Variants in THSD7B observed in about 807,000 individuals in gnomAD.
THSD7B encodes thrombospondin type-1 domain-containing protein 7B.
Under a neutral mutation model 213.6 loss-of-function variants are expected in THSD7B, and 138 were observed. That is an observed-to-expected ratio of 0.65 (90% CI 0.56 to 0.74). The LOEUF (loss-of-function observed/expected upper bound fraction) is 0.74. THSD7B is among the 30% of genes least tolerant of loss of function. THSD7B has a pLI of 0.00. For missense variants in THSD7B, 1,931 were observed against 1,991.5 expected, an observed-to-expected ratio of 0.97 and a Z score of 0.58; for synonymous variants, 742 against 687.0, an observed-to-expected ratio of 1.08 and a Z score of -1.25.
In THSD7B at chr2:137,642,550, A is replaced by G. The variant is rs761167307; in HGVS notation, c.3862A>G (p.Thr1288Ala). ...CCAAGGAGAAGGACGGCCATGCCCC[A>G]CAGAGCTTACCCAGGAGAAAACCTG... is the stretch of plus-strand genomic sequence containing the variant. ...PTQGEGRPCP[T>A]ELTQEKTCPV... The change falls in exon 21 of 28, where the codon ACA becomes GCA. Residue 1288 changes from threonine to alanine, a missense_variant. By Grantham distance (58) the Thr-to-Ala change is moderately conservative (BLOSUM62 0). Transcript: ENST00000409968. 1.1e-5 allele frequency: 18 copies of G among 1,613,778 alleles called. No homozygotes were observed. The highest frequency in any genetic ancestry group is 4.0e-5 in the African/African-American group (3 of 74,914).
In THSD7B at chr2:137,144,797, G is replaced by A. The variant is rs886947075; in HGVS notation, c.1370-15416G>A. Among the ~76,000 whole-genome samples the A allele has an allele frequency of 3.9e-5, 6 of 151,916 alleles. No homozygotes were observed. The East Asian group carries it at 1.2e-3, about 29-fold the overall frequency. On this transcript the variant is annotated intron_variant, in intron 5 of 27. Transcript: ENST00000409968. ...ATAAAATGAATAGATGTGAAGTATTGGAGGGATTGGGATATGAATTAATCA... is the reference window on the plus strand; with the variant it reads ...ATAAAATGAATAGATGTGAAGTATTAGAGGGATTGGGATATGAATTAATCA...
At chr2:137,287,481 G>A (rs1437233453) in intron 12 of THSD7B, among the ~76,000 whole-genome samples, 4 of 152,030 alleles carry the variant, frequency 2.6e-5, no homozygotes, top group South Asian at 2.1e-4. Flanking sequence ...ATGTTTTGGG[G>A]TAGGATTATA....
At chr2:136,932,639 T>C (rs1411236818) in intron 2 of THSD7B, among the ~76,000 whole-genome samples, 2 of 152,216 alleles carry the variant, frequency 1.3e-5, no homozygotes, top group African/African-American at 2.4e-5. Flanking sequence ...ATATTTATTA[T>C]ACATTAAGTG....
At chr2:136,890,980 G>T (rs1476056473) in intron 2 of THSD7B, among the ~76,000 whole-genome samples, 1 of 151,450 alleles carries the variant, frequency 6.6e-6, no homozygotes, top group Admixed American at 6.6e-5. Flanking sequence ...TTTGTGTTTT[G>T]TTTGTATATT....
chr2:136,977,615 T>C (rs1365127629), intron 2 of THSD7B, among the ~76,000 whole-genome samples: 1 of 152,128 alleles, frequency 6.6e-6, no homozygotes, highest in East Asian at 1.9e-4. Context: ...TAAATTTCCC[T>C]CTTAACACTG....
chr2:136,860,141 C>T (rs1326220437), intron 1 of THSD7B, among the ~76,000 whole-genome samples: 1 of 151,514 alleles, frequency 6.6e-6, no homozygotes, highest in African/African-American at 2.4e-5. Context: ...CCTCAGCCTC[C>T]CGAGTAGCTG....
intron 12 of THSD7B, among the ~76,000 whole-genome samples, chr2:137,334,741 A>G (rs911475185): frequency 5.9e-5 from 9 of 152,176 alleles, no homozygotes; most frequent in African/African-American, 2.2e-4. Flanking sequence ...GAAATAGATT[A>G]ACTAGATTTC....
chr2:136,856,775 C>A (rs1405756131), intron 1 of THSD7B, among the ~76,000 whole-genome samples: 2 of 152,184 alleles, frequency 1.3e-5, no homozygotes, highest in Non-Finnish European at 2.9e-5. Context: ...CTTGGCCTCA[C>A]AAAGTGCTAG....
Position 136,983,377 on chromosome 2 carries a change from A to ACACACACACACACACACACT in THSD7B, c.140-73040_140-73039insACACACACACACACACTCAC, listed in dbSNP as rs1342830898. Among the ~76,000 whole-genome samples, 74 of 146,408 alleles carry ACACACACACACACACACACT rather than the reference A, an allele frequency of 5.1e-4. No homozygotes were observed. In the Middle Eastern group the frequency reaches 0.017, roughly 35 times the overall value. On this transcript the variant is annotated intron_variant, in intron 2 of 27. Transcript: ENST00000409968. ...CACACAGACACACACACACGCACAC[A>ACACACACACACACACACACT]CACTCACTCTCTCTCTCTCTGTCTG... is the stretch of plus-strand genomic sequence containing the variant.
At chr2:137,021,789 T>G (rs1686450428) in intron 2 of THSD7B, among the ~76,000 whole-genome samples, 1 of 152,166 alleles carries the variant, frequency 6.6e-6, no homozygotes, top group Non-Finnish European at 1.5e-5. Flanking sequence ...CCGTTCTTTA[T>G]TTCTATAATT....
At chr2:137,566,385 G>C (rs1453100060) in intron 16 of THSD7B, among the ~76,000 whole-genome samples, 1 of 152,168 alleles carries the variant, frequency 6.6e-6, no homozygotes, top group African/African-American at 2.4e-5. Context: ...GGAGATAGGA[G>C]GAAATGCTCA....
intron 1 of THSD7B, among the ~76,000 whole-genome samples, chr2:136,847,671 T>C (rs932455649): frequency 6.6e-6 from 1 of 152,298 alleles, no homozygotes; most frequent in African/African-American, 2.4e-5. Flanking sequence ...AGAATCCCTT[T>C]GCTTGACAGG....
chr2:137,548,778 A>G (rs962196242), intron 15 of THSD7B, among the ~76,000 whole-genome samples: 1 of 152,024 alleles, frequency 6.6e-6, no homozygotes, highest in Non-Finnish European at 1.5e-5. Flanking sequence ...ATCCTTGTCC[A>G]TTTGTACTTA....
rs887676021 is a variant in THSD7B at position 136,915,372 on chromosome 2, T to C, written c.139+33055T>C. Among the ~76,000 whole-genome samples, 11 of 152,298 alleles carry C rather than the reference T, an allele frequency of 7.2e-5. 1 individual carries two copies. In the Middle Eastern group the frequency reaches 0.01, roughly 141 times the overall value. ...GCACCTCCTCTATCAGGTGTAAATA[T>C]GGTTATATGATGTTTTTCCTGTGAT... On this transcript the variant is annotated intron_variant, in intron 2 of 27. Coordinates refer to ENST00000409968, the MANE Select transcript of THSD7B (RefSeq NM_001316349.2).
At chr2:136,963,393 A>G (rs1685258957) in intron 2 of THSD7B, among the ~76,000 whole-genome samples, 1 of 152,208 alleles carries the variant, frequency 6.6e-6, no homozygotes, top group Non-Finnish European at 1.5e-5. Flanking sequence ...CCTGGGTGCC[A>G]GGGCTTAGGG....
At chr2:137,617,842 G>T (rs1682435499) in intron 18 of THSD7B, among the ~76,000 whole-genome samples, 1 of 152,056 alleles carries the variant, frequency 6.6e-6, no homozygotes, top group East Asian at 1.9e-4. Context: ...GAGGATGGAA[G>T]GCGCAAACAA....
intron 14 of THSD7B, among the ~76,000 whole-genome samples, chr2:137,416,618 A>G (rs971406314): frequency 1.3e-5 from 2 of 152,216 alleles, no homozygotes; most frequent in Non-Finnish European, 2.9e-5. Context: ...TGTTGGCTGA[A>G]TGAATGGAAA....
intron 17 of THSD7B, among the ~76,000 whole-genome samples, chr2:137,583,296 C>G (rs749369949): frequency 3.3e-5 from 5 of 152,114 alleles, no homozygotes; most frequent in Non-Finnish European, 5.9e-5. Flanking sequence ...GTTGCCTGTT[C>G]ACTCTGATGG....
At chr2:136,945,850 T>G (rs1684927396) in intron 2 of THSD7B, among the ~76,000 whole-genome samples, 1 of 152,166 alleles carries the variant, frequency 6.6e-6, no homozygotes, top group South Asian at 2.1e-4. Flanking sequence ...TCTACACTGT[T>G]TATTCTAGTT....
Sources: gnomAD v4.1 joint callset for allele counts (sites outside exome capture counted in the v4.1 genomes callset) on GRCh38, gnomAD v4.1.1 for gene constraint, MANE v1.5 for transcripts, NCBI Gene and HGNC (gene_info 2026-07-23, HGNC 2026-07-21) for gene names.